ZBTB20: variants seen among roughly 807,000 people sequenced by gnomAD.
ZBTB20 encodes zinc finger and BTB domain-containing protein 20.
ZBTB20 carries 9 observed loss-of-function variants against 56.9 expected under a neutral mutation model. The observed-to-expected ratio is 0.16, with a 90% CI of 0.10 to 0.28. The LOEUF (loss-of-function observed/expected upper bound fraction) is 0.28. Ranked by LOEUF, ZBTB20 falls within the 10% of genes least tolerant of loss-of-function variation. ZBTB20 has a pLI of 1.00. For synonymous variants in ZBTB20, 417 were observed against 420.7 expected (o/e 0.99, Z 0.11); for missense variants, 655 against 1,003.0 (o/e 0.65, Z 4.69).
At chr3:114,791,726 T>C (rs2070971444) in intron 5 of ZBTB20, 1 of 152,158 alleles carries the variant, frequency 6.6e-6, no homozygotes. Context: ...GATAGTACAT[T>C]TGCAAACAAG....
At chr3:114,599,918 T>C (rs980429848) in intron 6 of ZBTB20, among the ~76,000 whole-genome samples, 10 of 151,812 alleles carry the variant, frequency 6.6e-5, no homozygotes, top group South Asian at 2.1e-4. Flanking sequence ...TCTAATACTA[T>C]GGGGGGTGAA....
chr3:115,093,429 G>T (rs2083270039), intron 1 of ZBTB20, among the ~76,000 whole-genome samples: 5 of 152,092 alleles, frequency 3.3e-5, no homozygotes, highest in Admixed American at 3.3e-4. Flanking sequence ...AGTGGGGTAG[G>T]GAATAGGTGG....
intron 7 of ZBTB20, among the ~76,000 whole-genome samples, chr3:114,448,642 C>G (rs1488708192): frequency 6.6e-6 from 1 of 152,068 alleles, no homozygotes; most frequent in Non-Finnish European, 1.5e-5. Flanking sequence ...AACACAGTAA[C>G]AGATTCGGAA....
chr3:115,140,382 C>T (rs2084778615), intron 1 of ZBTB20, among the ~76,000 whole-genome samples: 2 of 151,972 alleles, frequency 1.3e-5, no homozygotes, highest in Admixed American at 1.3e-4. Context: ...CCTAAGACGA[C>T]ACATTTAAAA....
At chr3:115,142,241 C>T (rs909789852) in intron 1 of ZBTB20, among the ~76,000 whole-genome samples, 4 of 152,138 alleles carry the variant, frequency 2.6e-5, no homozygotes, top group Non-Finnish European at 5.9e-5. Flanking sequence ...TCAAAAACTG[C>T]TCATTTATAA....
chr3:114,814,171 G>A (rs1400457725), intron 4 of ZBTB20, among the ~76,000 whole-genome samples: 3 of 150,868 alleles, frequency 2.0e-5, no homozygotes, highest in Non-Finnish European at 4.4e-5. Context: ...TTTAAATGTA[G>A]GTCAAATTCT....
At chr3:115,096,139 T>C (rs1373590869) in intron 1 of ZBTB20, among the ~76,000 whole-genome samples, 1 of 152,184 alleles carries the variant, frequency 6.6e-6, no homozygotes, top group East Asian at 1.9e-4. Flanking sequence ...TCTTACACAG[T>C]ATGAAACAAA....
chr3:114,450,084 G>T (rs1471444613), intron 7 of ZBTB20, among the ~76,000 whole-genome samples: 2 of 152,154 alleles, frequency 1.3e-5, no homozygotes, highest in Admixed American at 6.5e-5. Flanking sequence ...TATTTAGAAA[G>T]GTGTCCAGGT....
At chr3:115,045,523 G>T (rs1576640162) in intron 2 of ZBTB20, among the ~76,000 whole-genome samples, 2 of 151,470 alleles carry the variant, frequency 1.3e-5, no homozygotes, top group Non-Finnish European at 2.9e-5. Context: ...TTGTTTACTG[G>T]TATTGTTATT....
chr3:114,722,744 G>T (rs1299316999), intron 5 of ZBTB20, among the ~76,000 whole-genome samples: 1 of 152,174 alleles, frequency 6.6e-6, no homozygotes, highest in Non-Finnish European at 1.5e-5. Context: ...ACAAGCCAAT[G>T]AGAGAATGAC....
chr3:114,924,138 A>T (rs942248678), intron 3 of ZBTB20, among the ~76,000 whole-genome samples: 1 of 152,212 alleles, frequency 6.6e-6, no homozygotes, highest in Non-Finnish European at 1.5e-5. Flanking sequence ...TATGGAAAAC[A>T]GTATGGAGTT....
intron 7 of ZBTB20, among the ~76,000 whole-genome samples, chr3:114,413,252 CT>C (rs1413277007): frequency 6.6e-6 from 1 of 152,142 alleles, no homozygotes; most frequent in Non-Finnish European, 1.5e-5. Context: ...GGGAAACTGA[CT>C]ATGGATTTCT....
intron 6 of ZBTB20, among the ~76,000 whole-genome samples, chr3:114,620,554 A>G (rs982239645): frequency 6.6e-6 from 1 of 152,118 alleles, no homozygotes; most frequent in African/African-American, 2.4e-5. Flanking sequence ...GGCCTCCCAA[A>G]GTGCTGGGAT....
intron 7 of ZBTB20, among the ~76,000 whole-genome samples, chr3:114,491,110 G>C (rs1022394554): frequency 4.6e-5 from 7 of 152,202 alleles, no homozygotes; most frequent in Non-Finnish European, 8.8e-5. Context: ...CAGATGCCTG[G>C]AGAATTTAAC....
Position 114,325,879 on chromosome 3 carries a change from A to C in ZBTB20, c.*13126T>G, listed in dbSNP as rs2079047770. Reference sequence around the variant, plus strand: ...AAGTACTACAATTTCCTTTTTTAAAAAAATAGTTTCTAATTTGTTTTTTCC... The same window carrying C: ...AAGTACTACAATTTCCTTTTTTAAACAAATAGTTTCTAATTTGTTTTTTCC... On this transcript the variant is annotated 3_prime_UTR_variant, in exon 12 of 12. Transcript: ENST00000675478. 1 of 152,180 alleles carries C rather than the reference A, an allele frequency of 6.6e-6. No individual in the cohort carries two copies. The highest frequency in any genetic ancestry group is 2.4e-5 in the African/African-American group (1 of 41,442). The allele number at this position is 152,180 out of a possible 1,614,324, so 9.4% of individuals were successfully genotyped here.
At chr3:114,455,837 G>A (rs2091980083) in intron 7 of ZBTB20, among the ~76,000 whole-genome samples, 1 of 152,102 alleles carries the variant, frequency 6.6e-6, no homozygotes, top group African/African-American at 2.4e-5. Flanking sequence ...AGCTGGCAAG[G>A]CAGACACTGA....
chr3:114,548,451 G>A (rs1044615738), intron 6 of ZBTB20, among the ~76,000 whole-genome samples: 2 of 151,934 alleles, frequency 1.3e-5, no homozygotes, highest in African/African-American at 4.8e-5. Context: ...ATCTACAGGT[G>A]TGCCAAAAGG....
At chr3:114,927,932 G>A (rs779802912) in intron 3 of ZBTB20, among the ~76,000 whole-genome samples, 9 of 152,108 alleles carry the variant, frequency 5.9e-5, no homozygotes, top group South Asian at 4.1e-4. Context: ...TCATTAAACT[G>A]TTTTCTCCTT....
intron 7 of ZBTB20, among the ~76,000 whole-genome samples, chr3:114,447,386 G>T (rs2109004209): frequency 6.6e-6 from 1 of 152,298 alleles, no homozygotes; most frequent in South Asian, 2.1e-4. Context: ...CCAAAATCCT[G>T]CATGTGCAAT....
Sources: allele counts gnomAD v4.1 joint callset (sites outside exome capture counted in the v4.1 genomes callset), GRCh38; gene constraint gnomAD v4.1.1; transcripts MANE v1.5; gene names NCBI Gene and HGNC (gene_info 2026-07-23, HGNC 2026-07-21).